Variants in ADAMTS3 observed in about 807,000 individuals in gnomAD.
ADAMTS3 encodes A disintegrin and metalloproteinase with thrombospondin motifs 3.
A neutral mutation model predicts 129.0 loss-of-function variants in ADAMTS3; 73 were observed. That is an observed-to-expected ratio of 0.57 (90% CI 0.47 to 0.69). The LOEUF (loss-of-function observed/expected upper bound fraction) is 0.69. Among genes scored for constraint, ADAMTS3 ranks in the 30% least tolerant of loss-of-function variants. ADAMTS3 has a pLI of 0.00. For synonymous variants in ADAMTS3, 477 were observed against 510.8 expected (o/e 0.93, Z 0.89); for missense variants, 1,457 against 1,514.5 (o/e 0.96, Z 0.63).
chr4:72,479,393 A>G (rs1719355667), intron 3 of ADAMTS3, among the ~76,000 whole-genome samples: 1 of 152,198 alleles, frequency 6.6e-6, no homozygotes, highest in Non-Finnish European at 1.5e-5. Flanking sequence ...AATGCCACAT[A>G]TCTACAACTA....
intron 3 of ADAMTS3, among the ~76,000 whole-genome samples, chr4:72,456,338 G>A (rs1358656366): frequency 7.0e-5 from 10 of 142,634 alleles, no homozygotes; most frequent in African/African-American, 1.8e-4. Context: ...TATATATACT[G>A]TATATACTAT....
intron 4 of ADAMTS3, among the ~76,000 whole-genome samples, chr4:72,375,736 G>A (rs1467102909): frequency 6.6e-6 from 1 of 152,100 alleles, no homozygotes; most frequent in Non-Finnish European, 1.5e-5. Context: ...GAAGGAGGGG[G>A]AGAACTCTGA....
At chr4:72,553,659 C>T (rs1171761795) in intron 2 of ADAMTS3, among the ~76,000 whole-genome samples, 1 of 152,122 alleles carries the variant, frequency 6.6e-6, no homozygotes, top group African/African-American at 2.4e-5. Flanking sequence ...GTTGGGAAGT[C>T]TGGGAAGCAT....
At chr4:72,530,662 T>C (rs1384303722) in intron 3 of ADAMTS3, among the ~76,000 whole-genome samples, 4 of 71,756 alleles carry the variant, frequency 5.6e-5, no homozygotes, top group African/African-American at 2.1e-4. Flanking sequence ...TTATATATAT[T>C]ATATAATATA....
chr4:72,534,200 GCCTGCA>G (rs1721128832), intron 3 of ADAMTS3, among the ~76,000 whole-genome samples: 2 of 152,228 alleles, frequency 1.3e-5, no homozygotes, highest in African/African-American at 4.8e-5. Context: ...GGTGGCGGGT[GCCTGCA>G]GTCCAAGCTA....
intron 2 of ADAMTS3, among the ~76,000 whole-genome samples, chr4:72,553,643 T>C (rs1001523208): frequency 6.6e-6 from 1 of 152,118 alleles, no homozygotes; most frequent in African/African-American, 2.4e-5. Context: ...AAGAGTGAAT[T>C]ATGTGGTTGG....
chr4:72,388,995 T>G (rs947285205), intron 4 of ADAMTS3, among the ~76,000 whole-genome samples: 7 of 152,168 alleles, frequency 4.6e-5, no homozygotes, highest in Non-Finnish European at 5.9e-5. Context: ...GAGATTTTGT[T>G]GGGGGCTGGT....
chr4:72,424,294 A>T (rs1722518038), intron 3 of ADAMTS3, among the ~76,000 whole-genome samples: 1 of 152,116 alleles, frequency 6.6e-6, no homozygotes, highest in South Asian at 2.1e-4. Flanking sequence ...AATGAATCTA[A>T]CCTTAACCAG....
chr4:72,384,944 G>A (rs768307652), intron 4 of ADAMTS3, among the ~76,000 whole-genome samples: 4 of 152,032 alleles, frequency 2.6e-5, no homozygotes, highest in Non-Finnish European at 5.9e-5. Context: ...CAAGGCGGGC[G>A]GATCACAAGG....
At chr4:72,334,057 G>C (rs1253828003) in intron 5 of ADAMTS3, among the ~76,000 whole-genome samples, 1 of 151,794 alleles carries the variant, frequency 6.6e-6, no homozygotes, top group African/African-American at 2.4e-5. Context: ...GTTTCACCGT[G>C]TTAGCCAGGA....
At chr4:72,479,410 C>G (rs905388282) in intron 3 of ADAMTS3, among the ~76,000 whole-genome samples, 15 of 152,284 alleles carry the variant, frequency 9.9e-5, no homozygotes, top group Admixed American at 3.3e-4. Context: ...ACTATCTGAT[C>G]TTTGACAAAC....
At chr4:72,392,102 G>A (rs1035777708) in intron 4 of ADAMTS3, among the ~76,000 whole-genome samples, 1 of 152,146 alleles carries the variant, frequency 6.6e-6, no homozygotes, top group Non-Finnish European at 1.5e-5. Flanking sequence ...GATAGTGGCT[G>A]CAAGTGCAAC....
In ADAMTS3 at chr4:72,282,314, C is replaced by A. The variant is rs556232388; in HGVS notation, c.*822G>T. 2 of 152,172 alleles carry A rather than the reference C, an allele frequency of 1.3e-5. No individual in the cohort carries two copies. Among genetic ancestry groups the A allele is most frequent in the African/African-American group, 4.8e-5 (2 of 41,428 alleles). The allele number at this position is 152,172 out of a possible 1,614,324, so 9.4% of individuals were successfully genotyped here. A position where few individuals can be genotyped will look rare whatever the true frequency, so the allele number is the denominator to read the frequency against. On this transcript the variant is annotated 3_prime_UTR_variant, in exon 22 of 22. Coordinates refer to ENST00000286657, the MANE Select transcript of ADAMTS3 (RefSeq NM_014243.3). ...TTGCACGAGTTCATTATTTACTATTCGTTGATCCCTGTGACCACAAGTGTA... is the reference window on the plus strand; with the variant it reads ...TTGCACGAGTTCATTATTTACTATTAGTTGATCCCTGTGACCACAAGTGTA...
intron 18 of ADAMTS3, among the ~76,000 whole-genome samples, chr4:72,297,729 T>C (rs1294819372): frequency 6.6e-6 from 1 of 152,126 alleles, no homozygotes; most frequent in African/African-American, 2.4e-5. Context: ...AATTATCTTC[T>C]GTGTGCTTCA....
chr4:72,544,531 G>A (rs1205678118), intron 3 of ADAMTS3, among the ~76,000 whole-genome samples: 1 of 152,132 alleles, frequency 6.6e-6, no homozygotes, highest in Admixed American at 6.6e-5. Context: ...AGATTATTAA[G>A]TCAAACCTTG....
chr4:72,407,073 C>G (rs771066919), intron 4 of ADAMTS3, among the ~76,000 whole-genome samples: 5 of 152,078 alleles, frequency 3.3e-5, no homozygotes, highest in Non-Finnish European at 5.9e-5. Context: ...ATATCCCAGC[C>G]TGATTAACTT....
chr4:72,388,757 GC>G (rs1185730223), intron 4 of ADAMTS3, among the ~76,000 whole-genome samples: 1 of 152,082 alleles, frequency 6.6e-6, no homozygotes, highest in Non-Finnish European at 1.5e-5. Context: ...ACAGGACTCA[GC>G]ATATAGTCCT....
At chr4:72,385,961 T>C (rs1560495848) in intron 4 of ADAMTS3, among the ~76,000 whole-genome samples, 1 of 152,172 alleles carries the variant, frequency 6.6e-6, no homozygotes, top group Non-Finnish European at 1.5e-5. Flanking sequence ...ACACTCAAAC[T>C]TCATTGAGCT....
At chr4:72,433,093 T>C (rs910854293) in intron 3 of ADAMTS3, among the ~76,000 whole-genome samples, 2 of 151,946 alleles carry the variant, frequency 1.3e-5, no homozygotes, top group African/African-American at 4.8e-5. Flanking sequence ...GCTGACTTTT[T>C]TTCCCGATAA....
Sources: gnomAD v4.1 joint callset for allele counts (sites outside exome capture counted in the v4.1 genomes callset) on GRCh38, gnomAD v4.1.1 for gene constraint, MANE v1.5 for transcripts, NCBI Gene and HGNC (gene_info 2026-07-23, HGNC 2026-07-21) for gene names.